Variants in UBAC2 observed in about 807,000 individuals in gnomAD.
UBAC2 encodes the protein UBA domain containing 2, also known as ubiquitin-associated domain-containing protein 2.
UBAC2 carries 26 observed loss-of-function variants against 44.0 expected under a neutral mutation model. That is an observed-to-expected ratio of 0.59 (90% CI 0.43 to 0.82). The LOEUF is 0.82. UBAC2 is among the 40% of genes least tolerant of loss of function. The probability of loss-of-function intolerance (pLI) is 0.00; values close to 1 mark genes in which losing one functional copy is unlikely to be tolerated. For synonymous variants in UBAC2, 155 were observed against 154.3 expected (o/e 1.00, Z -0.04); for missense variants, 329 against 419.4 (o/e 0.78, Z 1.88).
chr13:99,238,923 G>T (rs1192101572), intron 2 of UBAC2, among the ~76,000 whole-genome samples: 4 of 152,148 alleles, frequency 2.6e-5, no homozygotes, highest in African/African-American at 9.7e-5. Flanking sequence ...GAGGAGCTAG[G>T]CTCTGTCAGC....
intron 7 of UBAC2, among the ~76,000 whole-genome samples, chr13:99,341,418 A>AG (rs59704974): frequency 1.8e-4 from 26 of 146,118 alleles, no homozygotes; most frequent in African/African-American, 6.3e-4. Flanking sequence ...AGTTTATATC[A>AG]GGGGGGGGGA....
At chr13:99,326,551 A>G (rs1188988054) in intron 6 of UBAC2, among the ~76,000 whole-genome samples, 1 of 152,218 alleles carries the variant, frequency 6.6e-6, no homozygotes, top group African/African-American at 2.4e-5. Context: ...TAATTTCTGT[A>G]CTATAAAACA....
At chr13:99,255,423 C>G in intron 4 of UBAC2, 1 of 1,613,984 alleles carries the variant, frequency 6.2e-7, no homozygotes, top group South Asian at 1.1e-5. Flanking sequence ...TGGTCGTGGT[C>G]AGGGTCATTA....
chr13:99,225,663 T>C (rs2142697625), intron 1 of UBAC2, among the ~76,000 whole-genome samples: 1 of 152,258 alleles, frequency 6.6e-6, no homozygotes, highest in Admixed American at 6.5e-5. Flanking sequence ...ATGTGTCAGG[T>C]CCTATTGGAG....
At chr13:99,342,957 C>T (rs1473358230) in intron 7 of UBAC2, among the ~76,000 whole-genome samples, 2 of 152,238 alleles carry the variant, frequency 1.3e-5, no homozygotes, top group Non-Finnish European at 2.9e-5. Context: ...ATGTCCTGAG[C>T]CAGCCTGTCC....
intron 1 of UBAC2, among the ~76,000 whole-genome samples, chr13:99,236,220 A>G (rs781558665): frequency 9.2e-5 from 14 of 152,376 alleles, no homozygotes; most frequent in Middle Eastern, 3.4e-3. Context: ...AAATCAAACT[A>G]AAAAGCTCCA....
At chr13:99,377,209 CA>C (rs34259893) in intron 8 of UBAC2, 85,968 of 152,242 alleles carry the variant, frequency 0.56, 26,017 homozygotes, top group Non-Finnish European at 0.7. Context: ...TGCCAGCCCT[CA>C]AGGGAGCTCA....
chr13:99,242,919 C>A (rs1291764248), intron 2 of UBAC2, among the ~76,000 whole-genome samples: 1 of 150,736 alleles, frequency 6.6e-6, no homozygotes, highest in East Asian at 2.0e-4. Context: ...GATGGGCGGC[C>A]GGGTAGAGAC....
At chr13:99,299,439 G>A (rs1279377634) in intron 4 of UBAC2, among the ~76,000 whole-genome samples, 1 of 151,290 alleles carries the variant, frequency 6.6e-6, no homozygotes, top group African/African-American at 2.4e-5. Context: ...TTGGGAGGTA[G>A]GGAAGCAAAT....
intron 2 of UBAC2, among the ~76,000 whole-genome samples, chr13:99,241,278 A>G (rs1021839381): frequency 6.6e-6 from 1 of 151,934 alleles, no homozygotes; most frequent in African/African-American, 2.4e-5. Context: ...AAAAAAAAAA[A>G]AAAAAGAAAA....
intron 4 of UBAC2, among the ~76,000 whole-genome samples, chr13:99,263,211 G>A (rs2043693401): frequency 6.6e-6 from 1 of 152,200 alleles, no homozygotes; most frequent in Non-Finnish European, 1.5e-5. Context: ...AATCTCCTGA[G>A]GGAATAGACC....
At chr13:99,318,428 A>G (rs2044522710) in intron 6 of UBAC2, among the ~76,000 whole-genome samples, 1 of 151,134 alleles carries the variant, frequency 6.6e-6, no homozygotes, top group Non-Finnish European at 1.5e-5. Flanking sequence ...CAGCCTCCCA[A>G]AGTGCTGGGA....
intron 6 of UBAC2, among the ~76,000 whole-genome samples, chr13:99,334,441 C>T (rs1227824389): frequency 6.6e-6 from 1 of 152,148 alleles, no homozygotes; most frequent in Non-Finnish European, 1.5e-5. Context: ...CTTTTCATTA[C>T]AGCATTGAGG....
At chr13:99,246,624 C>CT (rs2043386900) in intron 4 of UBAC2, among the ~76,000 whole-genome samples, 1 of 152,172 alleles carries the variant, frequency 6.6e-6, no homozygotes, top group African/African-American at 2.4e-5. Flanking sequence ...GACAGTAGAA[C>CT]TTTCATATTC....
At chr13:99,375,826 C>T (rs1487435831) in intron 8 of UBAC2, among the ~76,000 whole-genome samples, 3 of 103,890 alleles carry the variant, frequency 2.9e-5, no homozygotes, top group Admixed American at 1.3e-4. Flanking sequence ...TTTTTTGAGA[C>T]ATGGTCTTGC....
chr13:99,286,645 A>G (rs553952488), intron 4 of UBAC2, among the ~76,000 whole-genome samples: 1 of 152,116 alleles, frequency 6.6e-6, no homozygotes, highest in Admixed American at 6.5e-5. Flanking sequence ...TTCAACCTCC[A>G]TCACCCCACA....
intron 1 of UBAC2, among the ~76,000 whole-genome samples, chr13:99,202,849 G>A (rs1490533737): frequency 6.6e-6 from 1 of 152,226 alleles, no homozygotes; most frequent in East Asian, 1.9e-4. Flanking sequence ...GCGATGAACT[G>A]GGCTAGGTGC....
chr13:99,201,110 G>T (rs2042790344), intron 1 of UBAC2, 171 bp downstream of exon 1: 3 of 1,346,688 alleles, frequency 2.2e-6, no homozygotes, highest in Non-Finnish European at 2.9e-6. Flanking sequence ...AGCGGAAACC[G>T]CCCCCATTTC....
intron 1 of UBAC2, among the ~76,000 whole-genome samples, chr13:99,216,502 G>T (rs2042997287): frequency 6.6e-6 from 1 of 152,144 alleles, no homozygotes; most frequent in Non-Finnish European, 1.5e-5. Context: ...AAATATTTAT[G>T]TAAATCATAG....
Sources: gnomAD v4.1 joint callset for allele counts (sites outside exome capture counted in the v4.1 genomes callset) on GRCh38, gnomAD v4.1.1 for gene constraint, MANE v1.5 for transcripts, NCBI Gene and HGNC (gene_info 2026-07-23, HGNC 2026-07-21) for gene names.